Variants in CTSO observed in about 807,000 individuals in gnomAD.
CTSO encodes the protein cathepsin O.
CTSO carries 40 observed loss-of-function variants against 42.4 expected under a neutral mutation model. The ratio of observed to expected loss-of-function variants is 0.94; its 90% confidence interval spans 0.73 to 1.23. The LOEUF is 1.23. Ranked by LOEUF, CTSO falls within the 50% of genes most tolerant of loss-of-function variation. The probability of loss-of-function intolerance (pLI) is 0.00; values close to 1 mark genes in which losing one functional copy is unlikely to be tolerated. For synonymous variants in CTSO, 156 were observed against 146.2 expected (o/e 1.07, Z -0.48); for missense variants, 441 against 396.0 (o/e 1.11, Z -0.96).
Position 155,937,405 on chromosome 4 carries a change from G to T in CTSO, c.631C>A (p.His211Asn), listed in dbSNP as rs141848549. ...TAACCTTTGATTGAAAATCCAGAAT[G>T]TGAACCAGAAAAGTAATGGCACAGA... ...NGLCHYFSGS[H>N]SGFSIKGYSA... The change falls in exon 5 of 8, where the codon CAT becomes AAT. Residue 211 changes from histidine to asparagine, a missense_variant. Transcript: ENST00000433477. 33 of 1,611,844 alleles carry T rather than the reference G, an allele frequency of 2.0e-5. No homozygotes were observed. The African/African-American group carries it at 4.0e-4, about 20-fold the overall frequency.
At chr4:155,939,858 G>C (rs1448743046) in intron 3 of CTSO, among the ~76,000 whole-genome samples, 2 of 152,146 alleles carry the variant, frequency 1.3e-5, no homozygotes, top group African/African-American at 4.8e-5. Context: ...TCAGTTCACT[G>C]AATATGTGAC....
At chr4:155,937,517 T>G in intron 4 of CTSO, 34 bp from the exon 5 acceptor site, 1 of 1,598,928 alleles carries the variant, frequency 6.3e-7, no homozygotes, top group South Asian at 1.1e-5. Context: ...ATGTTTACTG[T>G]CAATTGTTTT....
At chr4:155,928,868 A>G (rs1188158877) in intron 6 of CTSO, among the ~76,000 whole-genome samples, 5 of 152,220 alleles carry the variant, frequency 3.3e-5, no homozygotes, top group Non-Finnish European at 7.3e-5. Flanking sequence ...GAATCTGACA[A>G]GACATTTACA....
intron 1 of CTSO, among the ~76,000 whole-genome samples, chr4:155,951,678 C>T (rs77432607): frequency 0.035 from 5,326 of 152,204 alleles, 117 homozygotes; most frequent in South Asian, 0.072. Context: ...CTTTCTTGAA[C>T]CAGATCTTCA....
In CTSO at chr4:155,942,375, G is replaced by A. The variant is rs369505018; in HGVS notation, c.326C>T (p.Pro109Leu). Residue 109 changes from proline (P) to leucine (L), a missense_variant, in exon 3 of 8, where the codon CCG becomes CTG. By Grantham distance (98) the Pro-to-Leu change is moderately conservative. Coordinates refer to ENST00000433477, the MANE Select transcript of CTSO (RefSeq NM_001334.3). ...VHMSIPNVSL[P>L]LRFDWRDKQV... ...CTTGTCCCTCCAGTCAAATCTTAACGGCAAAGACACATTGGGGATGGACAT... is the reference window on the plus strand; with the variant it reads ...CTTGTCCCTCCAGTCAAATCTTAACAGCAAAGACACATTGGGGATGGACAT... 19 of 1,602,730 alleles carry A rather than the reference G, an allele frequency of 1.2e-5. No individual in the cohort carries two copies. Among genetic ancestry groups the A allele is most frequent in the Middle Eastern group, 3.3e-4 (2 of 6,048 alleles).
Position 155,943,174 on chromosome 4 carries a change from A to G in CTSO, c.226T>C (p.Phe76Leu). The change falls in exon 2 of 8, where the codon TTT becomes CTT. Residue 76 changes from phenylalanine (F) to leucine (L), a missense_variant. Coordinates refer to ENST00000433477, the MANE Select transcript of CTSO (RefSeq NM_001334.3). ...FYGINQFSYL[F>L]PEEFKAIYLR... ...ACTATACCTTTAAACTCTTCAGGAA[A>G]CAAATAGGAAAACTGATTTATTCCA... is the stretch of plus-strand genomic sequence containing the variant. The G allele has an allele frequency of 6.2e-7, 1 of 1,609,070 alleles. No homozygotes were observed. The highest frequency in any genetic ancestry group is 8.5e-7 in the Non-Finnish European group (1 of 1,176,262).
chr4:155,930,660 T>C (rs1407678751), intron 5 of CTSO, among the ~76,000 whole-genome samples: 1 of 152,156 alleles, frequency 6.6e-6, no homozygotes, highest in Non-Finnish European at 1.5e-5. Flanking sequence ...AATAATCCAC[T>C]AATAAGTAAG....
chr4:155,936,345 G>T (rs1458047939), intron 5 of CTSO, among the ~76,000 whole-genome samples: 1 of 152,104 alleles, frequency 6.6e-6, no homozygotes, highest in East Asian at 1.9e-4. Context: ...ATTTAAACGG[G>T]TACATTTTGT....
rs764324277 is a variant in CTSO at position 155,937,489 on chromosome 4, A to C, written c.553-6T>G. 6.2e-7 allele frequency: 1 copy of C among 1,612,224 alleles called. No homozygotes were observed. Reference sequence around the variant, plus strand: ...TTCACCAGTTTTACTTGCATCTAAAAGAAAACAATCACTGAACATGTTTAC... The same window carrying C: ...TTCACCAGTTTTACTTGCATCTAAACGAAAACAATCACTGAACATGTTTAC... On this transcript the variant is annotated splice_region_variant and splice_polypyrimidine_tract_variant and intron_variant, in intron 4 of 7. Coordinates refer to ENST00000433477, the MANE Select transcript of CTSO (RefSeq NM_001334.3).
At chr4:155,926,759 G>A (rs1336893342) in intron 7 of CTSO, among the ~76,000 whole-genome samples, 2 of 152,184 alleles carry the variant, frequency 1.3e-5, no homozygotes, top group African/African-American at 4.8e-5. Context: ...AAAGCAGGTA[G>A]AGAGCAGAAA....
intron 3 of CTSO, among the ~76,000 whole-genome samples, chr4:155,941,282 C>T (rs1055915032): frequency 2.0e-5 from 3 of 152,196 alleles, no homozygotes; most frequent in African/African-American, 7.2e-5. Flanking sequence ...GGCAGGCATT[C>T]CCTATGCCAA....
rs1743471696 is a variant in CTSO, at chr4:155,943,191, T to C, written c.209A>G (p.Asn70Ser). ...TTCAGGAAACAAATAGGAAAACTGA[T>C]TTATTCCATAGAAGGCGGTGGAGTT... The part of the protein sequence containing the change: ...SENSTAFYGI[N>S]QFSYLFPEEF... Residue 70 changes from asparagine (N) to serine (S), a missense_variant, in exon 2 of 8, where the codon AAT (asparagine) becomes AGT (serine). Coordinates refer to ENST00000433477, the MANE Select transcript of CTSO (RefSeq NM_001334.3). 6.2e-7 allele frequency: 1 copy of C among 1,611,848 alleles called. No individual in the cohort carries two copies. Among genetic ancestry groups the C allele is most frequent in the Non-Finnish European group, 8.5e-7 (1 of 1,178,242 alleles).
chr4:155,937,097 T>G (rs529094000), intron 5 of CTSO, among the ~76,000 whole-genome samples: 1 of 152,030 alleles, frequency 6.6e-6, no homozygotes, highest in East Asian at 1.9e-4. Context: ...ATATAAAATA[T>G]AACAAATAAA....
Position 155,943,231 on chromosome 4 carries a change from A to C in CTSO, c.169T>G (p.Leu57Val), listed in dbSNP as rs1370543575. The change falls in exon 2 of 8, where the codon TTA becomes GTA. Residue 57 changes from leucine (L) to valine (V), a missense_variant. By Grantham distance (32) the Leu-to-Val change is conservative (BLOSUM62 1). Coordinates refer to ENST00000433477, the MANE Select transcript of CTSO (RefSeq NM_001334.3). ...SLNRHRYLNS[L>V]FPSENSTAFY... ...GCGGTGGAGTTTTCACTGGGAAATA[A>C]AGAATTCAAGTATCGATGTCTATTA... The C allele has an allele frequency of 6.2e-7, 1 of 1,611,214 alleles. No homozygotes were observed. The highest frequency in any genetic ancestry group is 1.1e-5 in the South Asian group (1 of 90,892).
chr4:155,952,272 T>C (rs1369186587), intron 1 of CTSO, among the ~76,000 whole-genome samples: 1 of 152,172 alleles, frequency 6.6e-6, no homozygotes, highest in Non-Finnish European at 1.5e-5. Context: ...TTCTAGACAT[T>C]CATCAGGGTA....
intron 1 of CTSO, among the ~76,000 whole-genome samples, chr4:155,948,444 A>G (rs933430739): frequency 2.6e-5 from 4 of 152,000 alleles, no homozygotes; most frequent in Non-Finnish European, 4.4e-5. Flanking sequence ...TGTGATTTAA[A>G]TGTAATATGT....
intron 7 of CTSO, among the ~76,000 whole-genome samples, chr4:155,926,371 T>C (rs893104460): frequency 6.6e-6 from 1 of 152,238 alleles, no homozygotes; most frequent in Non-Finnish European, 1.5e-5. Flanking sequence ...GGAAGCTGTA[T>C]TAAACTAATA....
In CTSO at chr4:155,936,980, C is replaced by T. The variant is rs978373817; in HGVS notation, c.674+382G>A. Reference sequence around the variant, plus strand: ...ACAAAGCAATTCTGGATGGACTCACCATTAAGATTGAAATATGCTAATGGT... The same window carrying T: ...ACAAAGCAATTCTGGATGGACTCACTATTAAGATTGAAATATGCTAATGGT... On this transcript the variant is annotated intron_variant, in intron 5 of 7. Transcript: ENST00000433477. Among the ~76,000 whole-genome samples the T allele has an allele frequency of 2.0e-5, 3 of 152,054 alleles. No individual in the cohort carries two copies. In the East Asian group the frequency reaches 5.8e-4, roughly 29 times the overall value.
intron 4 of CTSO, 28 bp from the exon 5 acceptor site, chr4:155,937,511 T>A (rs1743350703): frequency 5.0e-6 from 8 of 1,603,508 alleles, no homozygotes; most frequent in Non-Finnish European, 6.8e-6. Context: ...CTGAACATGT[T>A]TACTGTCAAT....
Sources: allele counts gnomAD v4.1 joint callset (sites outside exome capture counted in the v4.1 genomes callset), GRCh38; gene constraint gnomAD v4.1.1; transcripts MANE v1.5; gene names NCBI Gene and HGNC (gene_info 2026-07-23, HGNC 2026-07-21).